AK8: variants seen among roughly 807,000 people sequenced by gnomAD.
AK8 encodes adenylate kinase 8.
AK8 carries 44 observed loss-of-function variants against 54.6 expected under a neutral mutation model. The observed-to-expected ratio is 0.81, with a 90% confidence interval of 0.63 to 1.04. The LOEUF (loss-of-function observed/expected upper bound fraction) is 1.04, where lower values mean the gene tolerates loss of function less well. AK8 is among the 50% of genes least tolerant of loss of function. The probability of loss-of-function intolerance (pLI) is 0.00; values close to 1 mark genes in which losing one functional copy is unlikely to be tolerated. For missense variants in AK8, 555 were observed against 613.6 expected (o/e 0.90, Z 1.01); for synonymous variants, 239 against 245.6 (o/e 0.97, Z 0.25).
At position 132,790,865 on chromosome 9, in the gene AK8, A is replaced by C. The variant is rs1317328085; in HGVS notation, c.1121+1769T>G. 1.3e-5 allele frequency among the ~76,000 whole-genome samples: 2 copies of C among 152,184 alleles called. No homozygotes were observed. Among genetic ancestry groups the C allele is most frequent in the Admixed American group, 6.5e-5 (1 of 15,286 alleles). The stretch of plus-strand genomic sequence containing the variant: ...GGTATAAAATAAGTAAGCCAAAATC[A>C]ATGTCTTTTGTATACTCTTGAAAAA... On this transcript the variant is annotated intron_variant, in intron 11 of 12. Coordinates refer to ENST00000298545, the MANE Select transcript of AK8 (RefSeq NM_152572.3). This position sits in a 1 kb window ranked among gnomAD's most constrained non-coding sequence, Gnocchi z 4.1.
intron 5 of AK8, among the ~76,000 whole-genome samples, chr9:132,854,264 A>G (rs1367365636): frequency 1.3e-5 from 2 of 152,224 alleles, no homozygotes; most frequent in Non-Finnish European, 2.9e-5. Flanking sequence ...AAGTAATGAC[A>G]TGACCCAATA....
chr9:132,824,283 C>A (rs977788316), intron 8 of AK8, among the ~76,000 whole-genome samples: 1 of 152,254 alleles, frequency 6.6e-6, no homozygotes, highest in Non-Finnish European at 1.5e-5. Context: ...CAAAACAGGG[C>A]ATCCTTCCCC....
At chr9:132,877,927 C>G (rs1269138082) in intron 1 of AK8, 1 of 940,644 alleles carries the variant, frequency 1.1e-6, no homozygotes. Flanking sequence ...GGACCAAATC[C>G]CGGCTCGAGT....
At chr9:132,815,547 C>T (rs756876614) in intron 9 of AK8, among the ~76,000 whole-genome samples, 39 of 150,926 alleles carry the variant, frequency 2.6e-4, no homozygotes, top group Non-Finnish European at 4.7e-4. Flanking sequence ...AGCAAGACTC[C>T]GTTTCAAAAA....
At chr9:132,750,764 C>T (rs1417061288) in intron 11 of AK8, among the ~76,000 whole-genome samples, 3 of 151,924 alleles carry the variant, frequency 2.0e-5, no homozygotes, top group Admixed American at 1.3e-4. Flanking sequence ...CTGCACCTAA[C>T]GTCAGGCTGC....
intron 10 of AK8, among the ~76,000 whole-genome samples, chr9:132,812,948 G>A (rs868438266): frequency 1.7e-3 from 147 of 84,912 alleles, no homozygotes; most frequent in Middle Eastern, 5.6e-3. Flanking sequence ...ACTGCCCTGA[G>A]CCTACACAGA....
chr9:132,818,377 T>C (rs141734122), intron 9 of AK8, among the ~76,000 whole-genome samples: 109 of 152,258 alleles, frequency 7.2e-4, no homozygotes, highest in Non-Finnish European at 1.1e-3. Flanking sequence ...ATAATTACAA[T>C]ATATTGTAGG....
At chr9:132,798,873 C>T (rs982041626) in intron 10 of AK8, among the ~76,000 whole-genome samples, 5 of 152,122 alleles carry the variant, frequency 3.3e-5, no homozygotes, top group East Asian at 1.9e-4. Context: ...CTCCCCACCG[C>T]GGGCCCGTGT....
At chr9:132,748,859 G>A (rs1837773733) in intron 11 of AK8, among the ~76,000 whole-genome samples, 1 of 151,882 alleles carries the variant, frequency 6.6e-6, no homozygotes, top group South Asian at 2.1e-4. Flanking sequence ...TTCTGATGAA[G>A]TGGCTAAGTT....
At position 132,845,138 on chromosome 9, in the gene AK8, G is replaced by A. The variant is rs182335471; in HGVS notation, c.402+9719C>T. 3.3e-5 allele frequency among the ~76,000 whole-genome samples: 5 copies of A among 152,320 alleles called. No homozygotes were observed. The East Asian group carries it at 9.6e-4, about 29-fold the overall frequency. ...GAATGTAATTACAGCCTCTTGCATA[G>A]TGCAAGGTGCACCTGCAATGTCATG... is the stretch of plus-strand genomic sequence containing the variant. On this transcript the variant is annotated intron_variant, in intron 5 of 12. Coordinates refer to ENST00000298545, the MANE Select transcript of AK8 (RefSeq NM_152572.3).
rs538142556 is a variant in AK8 at position 132,871,224 on chromosome 9, C to A, written c.169+3891G>T. ...TTGCGCCATTGCACTCCAGCCTAGG[C>A]GACAGAGCCAGACTCCATCTCAAAA... On this transcript the variant is annotated intron_variant, in intron 2 of 12. Coordinates refer to ENST00000298545, the MANE Select transcript of AK8 (RefSeq NM_152572.3). Among the ~76,000 whole-genome samples, 23 of 152,070 alleles carry A rather than the reference C, an allele frequency of 1.5e-4. No homozygotes were observed. In the East Asian group the frequency reaches 4.3e-3, roughly 28 times the overall value.
intron 11 of AK8, among the ~76,000 whole-genome samples, chr9:132,744,057 A>G: frequency 6.6e-6 from 1 of 152,102 alleles, no homozygotes; most frequent in East Asian, 1.9e-4. Context: ...GACCCTGCTT[A>G]TGTGCCCCCA....
At chr9:132,857,751 C>T (rs1472105887) in intron 4 of AK8, among the ~76,000 whole-genome samples, 5 of 152,234 alleles carry the variant, frequency 3.3e-5, no homozygotes, top group African/African-American at 4.8e-5. Flanking sequence ...GGCTGAAAGG[C>T]GGACAGCCCC....
chr9:132,852,890 T>C (rs1843024552), intron 5 of AK8, among the ~76,000 whole-genome samples: 1 of 151,274 alleles, frequency 6.6e-6, no homozygotes, highest in Non-Finnish European at 1.5e-5. Flanking sequence ...TTATTGGAGT[T>C]GCAGAAGGAG....
Position 132,803,047 on chromosome 9 carries a change from G to T in AK8, c.980-10272C>A, listed in dbSNP as rs969055671. Among the ~76,000 whole-genome samples the T allele has an allele frequency of 6.6e-6, 1 of 152,156 alleles. No individual in the cohort carries two copies. The highest frequency in any genetic ancestry group is 1.9e-4 in the East Asian group (1 of 5,184). ...TCATGGCAGAAGGGGAAGCAAACAC[G>T]TCCTTCTTCACATAGCGGCAGCCAG... On this transcript the variant is annotated intron_variant, in intron 10 of 12. Coordinates refer to ENST00000298545, the MANE Select transcript of AK8 (RefSeq NM_152572.3). This position sits in a 1 kb window ranked among gnomAD's most constrained non-coding sequence, Gnocchi z 4.4.
intron 5 of AK8, among the ~76,000 whole-genome samples, chr9:132,829,449 T>C (rs373071377): frequency 1.1e-4 from 16 of 152,350 alleles, no homozygotes; most frequent in African/African-American, 3.6e-4. Flanking sequence ...AATACCTCGA[T>C]GAACATCTTT....
intron 11 of AK8, among the ~76,000 whole-genome samples, chr9:132,787,088 C>CCA (rs1286516036): frequency 3.3e-5 from 5 of 151,744 alleles, no homozygotes; most frequent in African/African-American, 4.8e-5. Flanking sequence ...CAGCAACTGA[C>CCA]CACACACACA....
At chr9:132,728,645 C>T (rs1836686308) in intron 11 of AK8, among the ~76,000 whole-genome samples, 1 of 152,152 alleles carries the variant, frequency 6.6e-6, no homozygotes, top group African/African-American at 2.4e-5. Flanking sequence ...CCTGACTTCC[C>T]CTGTCCTCCT....
chr9:132,735,141 G>A (rs1183870801), intron 11 of AK8, among the ~76,000 whole-genome samples: 1 of 152,148 alleles, frequency 6.6e-6, no homozygotes, highest in African/African-American at 2.4e-5. Flanking sequence ...GAGAGCTGAG[G>A]GGTTCATACT....
Sources: allele counts gnomAD v4.1 joint callset (sites outside exome capture counted in the v4.1 genomes callset), GRCh38; gene constraint gnomAD v4.1.1; non-coding constraint Gnocchi (gnomAD v3.1); transcripts MANE v1.5; gene names NCBI Gene and HGNC (gene_info 2026-07-23, HGNC 2026-07-21).